The following CAMK1D variants were observed in gnomAD, a reference collection of about 807,000 sequenced individuals.
CAMK1D encodes calcium/calmodulin dependent protein kinase ID.
In CAMK1D, 9 loss-of-function variants were observed where a neutral mutation model predicts 47.7. The observed-to-expected ratio is 0.19, with a 90% CI of 0.11 to 0.33. The LOEUF (loss-of-function observed/expected upper bound fraction) is 0.33. Ranked by LOEUF, CAMK1D falls within the 10% of genes least tolerant of loss-of-function variation. CAMK1D has a pLI of 1.00. For missense variants in CAMK1D, 291 were observed against 488.7 expected, an observed-to-expected ratio of 0.60 and a Z score of 3.81; for synonymous variants, 184 against 184.9, an observed-to-expected ratio of 0.99 and a Z score of 0.04.
intron 1 of CAMK1D, among the ~76,000 whole-genome samples, chr10:12,508,855 G>A (rs971885066): frequency 6.6e-6 from 1 of 151,968 alleles, no homozygotes; most frequent in African/African-American, 2.4e-5. Context: ...CTTCTTTCCC[G>A]GACTCTCTTT....
At chr10:12,743,346 C>CAAAAAAAAAAAAAAAAAAAAAA (rs199673328) in intron 3 of CAMK1D, among the ~76,000 whole-genome samples, 1 of 92,400 alleles carries the variant, frequency 1.1e-5, no homozygotes, top group African/African-American at 5.4e-5. Context: ...GACCCTGTCT[C>CAAAAAAAAAAAAAAAAAAAAAA]AAAAAAAAAA....
chr10:12,539,565 C>G (rs1836096438), intron 1 of CAMK1D, among the ~76,000 whole-genome samples: 1 of 152,204 alleles, frequency 6.6e-6, no homozygotes, highest in Admixed American at 6.5e-5. Context: ...TTGTAGCAGT[C>G]AGAGAGCAGA....
chr10:12,649,595 A>G (rs1839904546), intron 2 of CAMK1D, among the ~76,000 whole-genome samples: 1 of 152,246 alleles, frequency 6.6e-6, no homozygotes, highest in Non-Finnish European at 1.5e-5. Flanking sequence ...CGCCAAAGAA[A>G]GAAACCCCAG....
At chr10:12,697,051 C>T (rs751214244) in intron 3 of CAMK1D, among the ~76,000 whole-genome samples, 3 of 152,034 alleles carry the variant, frequency 2.0e-5, no homozygotes, top group Non-Finnish European at 4.4e-5. Context: ...ATATGAGTTG[C>T]CTTAAAAAAA....
intron 3 of CAMK1D, among the ~76,000 whole-genome samples, chr10:12,719,639 G>A (rs1242956402): frequency 6.6e-6 from 1 of 152,064 alleles, no homozygotes; most frequent in East Asian, 1.9e-4. Context: ...CCTTTCCACT[G>A]ACAGAACCAC....
At chr10:12,675,213 T>C (rs1426801492) in intron 3 of CAMK1D, among the ~76,000 whole-genome samples, 1 of 152,120 alleles carries the variant, frequency 6.6e-6, no homozygotes, top group East Asian at 1.9e-4. Flanking sequence ...TGCTGTGGAA[T>C]AAGAACATAT....
chr10:12,630,047 T>C (rs1287951394), intron 2 of CAMK1D, among the ~76,000 whole-genome samples: 4 of 152,320 alleles, frequency 2.6e-5, no homozygotes, highest in Admixed American at 6.5e-5. Context: ...CTGAGCCCCG[T>C]AGGGTGGCCT....
At chr10:12,437,538 A>T (rs1248607392) in intron 1 of CAMK1D, among the ~76,000 whole-genome samples, 2 of 152,204 alleles carry the variant, frequency 1.3e-5, no homozygotes, top group African/African-American at 4.8e-5. Flanking sequence ...TAGCAAAACC[A>T]AATGGAAGAT....
At chr10:12,582,255 T>A (rs746323061) in intron 2 of CAMK1D, among the ~76,000 whole-genome samples, 2 of 152,232 alleles carry the variant, frequency 1.3e-5, no homozygotes, top group Non-Finnish European at 2.9e-5. Flanking sequence ...TGTGCCTATT[T>A]TTATACCAGT....
At chr10:12,741,899 G>A (rs1447270858) in intron 3 of CAMK1D, among the ~76,000 whole-genome samples, 1 of 152,174 alleles carries the variant, frequency 6.6e-6, no homozygotes, top group East Asian at 1.9e-4. Flanking sequence ...TCATTGTCTG[G>A]ATGTGAGCTG....
intron 1 of CAMK1D, among the ~76,000 whole-genome samples, chr10:12,476,093 ACCAGCCTGAC>A (rs1833894982): frequency 6.6e-6 from 1 of 151,994 alleles, no homozygotes; most frequent in Non-Finnish European, 1.5e-5. Context: ...GGAGTTTGAG[ACCAGCCTGAC>A]CAACATGGTG....
intron 2 of CAMK1D, among the ~76,000 whole-genome samples, chr10:12,576,374 G>A (rs940529149): frequency 6.6e-6 from 1 of 152,168 alleles, no homozygotes; most frequent in Non-Finnish European, 1.5e-5. Context: ...TTGCCTACAT[G>A]GATGACAGTT....
At chr10:12,369,913 G>A (rs1409461056) in intron 1 of CAMK1D, among the ~76,000 whole-genome samples, 4 of 150,292 alleles carry the variant, frequency 2.7e-5, no homozygotes, top group Admixed American at 6.6e-5. Context: ...CTGAGATCAC[G>A]TCATTGCACT....
At chr10:12,417,691 G>C (rs1290653694) in intron 1 of CAMK1D, among the ~76,000 whole-genome samples, 1 of 152,204 alleles carries the variant, frequency 6.6e-6, no homozygotes, top group African/African-American at 2.4e-5. Flanking sequence ...CATCTGGGGA[G>C]CTGTGTAAGC....
intron 2 of CAMK1D, among the ~76,000 whole-genome samples, chr10:12,620,470 G>A (rs754492355): frequency 6.6e-6 from 1 of 152,234 alleles, no homozygotes; most frequent in Non-Finnish European, 1.5e-5. Flanking sequence ...TCTCATAGGT[G>A]TGTGGTGGTG....
intron 1 of CAMK1D, among the ~76,000 whole-genome samples, chr10:12,374,282 AAAAAAG>A (rs1838104838): frequency 6.8e-6 from 1 of 146,462 alleles, no homozygotes; most frequent in Non-Finnish European, 1.5e-5. Flanking sequence ...AAAAAAAAAG[AAAAAAG>A]AAAAAAAGAG....
At chr10:12,760,243 A>G (rs890381795) in intron 3 of CAMK1D, among the ~76,000 whole-genome samples, 3 of 152,224 alleles carry the variant, frequency 2.0e-5, no homozygotes, top group African/African-American at 7.2e-5. Context: ...ATGTTTAAAA[A>G]TGTTAAATGC....
At chr10:12,677,426 G>C (rs900862051) in intron 3 of CAMK1D, among the ~76,000 whole-genome samples, 1 of 152,212 alleles carries the variant, frequency 6.6e-6, no homozygotes, top group East Asian at 1.9e-4. Context: ...TTAGCATTGC[G>C]GGGGTGGGAA....
At chr10:12,662,854 C>G (rs1273551307) in intron 2 of CAMK1D, among the ~76,000 whole-genome samples, 2 of 152,156 alleles carry the variant, frequency 1.3e-5, no homozygotes, top group African/African-American at 4.8e-5. Flanking sequence ...TGCATTGGCT[C>G]AAAACTACGA....
Sources: allele counts gnomAD v4.1 joint callset (sites outside exome capture counted in the v4.1 genomes callset), GRCh38; gene constraint gnomAD v4.1.1; transcripts MANE v1.5; gene names NCBI Gene and HGNC (gene_info 2026-07-23, HGNC 2026-07-21).